NFAT5: variants seen among roughly 807,000 people sequenced by gnomAD.
NFAT5 encodes the protein nuclear factor of activated T cells 5, also known as nuclear factor of activated T-cells 5.
NFAT5 carries 31 observed loss-of-function variants against 166.5 expected under a neutral mutation model. That is an observed-to-expected ratio of 0.19 (90% CI 0.14 to 0.25). The LOEUF (loss-of-function observed/expected upper bound fraction) is 0.25, where lower values mean the gene tolerates loss of function less well. Ranked by LOEUF, NFAT5 falls within the 10% of genes least tolerant of loss-of-function variation. The probability of loss-of-function intolerance (pLI) is 1.00; values close to 1 mark genes in which losing one functional copy is unlikely to be tolerated. For synonymous variants in NFAT5, 612 were observed against 639.7 expected (o/e 0.96, Z 0.65); for missense variants, 1,449 against 1,821.8 (o/e 0.80, Z 3.72).
intron 2 of NFAT5, among the ~76,000 whole-genome samples, chr16:69,596,717 TAAA>T (rs1177895504): frequency 4.0e-5 from 5 of 125,132 alleles, no homozygotes; most frequent in Admixed American, 1.6e-4. Context: ...GACTCTATCT[TAAA>T]AAAAAAAAAA....
intron 2 of NFAT5, among the ~76,000 whole-genome samples, chr16:69,582,946 T>G (rs1274293407): frequency 1.3e-5 from 2 of 151,852 alleles, no homozygotes; most frequent in African/African-American, 4.8e-5. Flanking sequence ...ATCTGTAGGC[T>G]AATCTGAGGA....
chr16:69,648,458 T>A (rs2035540250), intron 4 of NFAT5: 1 of 984,732 alleles, frequency 1.0e-6, no homozygotes, highest in Non-Finnish European at 1.2e-6. Context: ...ATATTTTTTT[T>A]AAATCACTCA....
chr16:69,578,637 C>T (rs2142921130), intron 2 of NFAT5, among the ~76,000 whole-genome samples: 1 of 152,154 alleles, frequency 6.6e-6, no homozygotes, highest in South Asian at 2.1e-4. Flanking sequence ...AAATAGCTAT[C>T]CTTTACAATG....
Position 69,702,477 on chromosome 16 carries a change from T to C in NFAT5, c.*6126T>C, listed in dbSNP as rs1158281962. On this transcript the variant is annotated 3_prime_UTR_variant, in exon 15 of 15. Coordinates refer to ENST00000349945, the MANE Select transcript of NFAT5 (RefSeq NM_138713.4). ...GTCTATATATTTTGTGCCATGTATA[T>C]AAGAACATTACAATATATCTTTTTC... The C allele has an allele frequency of 1.3e-5, 2 of 152,250 alleles. No individual in the cohort carries two copies. Among genetic ancestry groups the C allele is most frequent in the African/African-American group, 4.8e-5 (2 of 41,464 alleles). The allele number at this position is 152,250 out of a possible 1,614,324, so 9.4% of individuals were successfully genotyped here.
At chr16:69,681,544 G>A (rs2037058366) in intron 10 of NFAT5, among the ~76,000 whole-genome samples, 2 of 152,182 alleles carry the variant, frequency 1.3e-5, no homozygotes, top group South Asian at 4.1e-4. Context: ...TCCTATACTT[G>A]GAAGCCTTTG....
intron 1 of NFAT5, among the ~76,000 whole-genome samples, chr16:69,567,076 C>G (rs766459828): frequency 5.9e-5 from 9 of 152,060 alleles, no homozygotes; most frequent in Non-Finnish European, 1.3e-4. Flanking sequence ...CTCCCTTCTC[C>G]TTTACAAAGA....
intron 9 of NFAT5, among the ~76,000 whole-genome samples, chr16:69,671,653 A>G (rs2078953440): frequency 6.6e-6 from 1 of 152,140 alleles, no homozygotes; most frequent in Non-Finnish European, 1.5e-5. Context: ...ACAGGTGTGA[A>G]CCACTGTGCC....
chr16:69,642,609 A>G (rs2035260201), intron 3 of NFAT5, among the ~76,000 whole-genome samples: 1 of 151,990 alleles, frequency 6.6e-6, no homozygotes, highest in Non-Finnish European at 1.5e-5. Flanking sequence ...ACACAAGGTC[A>G]GGAGTTCAAG....
chr16:69,579,538 A>G (rs916855602), intron 2 of NFAT5, among the ~76,000 whole-genome samples: 10 of 152,212 alleles, frequency 6.6e-5, no homozygotes, highest in African/African-American at 2.2e-4. Flanking sequence ...TATTACAGTA[A>G]ATACAAACAA....
intron 9 of NFAT5, among the ~76,000 whole-genome samples, chr16:69,676,427 G>A (rs2036836070): frequency 6.6e-6 from 1 of 152,176 alleles, no homozygotes; most frequent in Non-Finnish European, 1.5e-5. Context: ...ATGTTGTTAG[G>A]AGTAGCGAAC....
chr16:69,687,308 G>T (rs1006128735), intron 11 of NFAT5, among the ~76,000 whole-genome samples: 2 of 152,086 alleles, frequency 1.3e-5, no homozygotes, highest in African/African-American at 4.8e-5. Context: ...GGGCGTGGTG[G>T]TGTGTGCTTG....
chr16:69,655,939 C>A (rs1182392323), intron 6 of NFAT5, 140 bp downstream of exon 6: 2 of 640,736 alleles, frequency 3.1e-6, no homozygotes, highest in East Asian at 3.1e-5. Context: ...GACATTACTT[C>A]AGAATGGTAA....
chr16:69,573,869 C>CTTTTTT, intron 2 of NFAT5, among the ~76,000 whole-genome samples: 1 of 111,742 alleles, frequency 8.9e-6, no homozygotes, highest in Non-Finnish European at 1.8e-5. Flanking sequence ...AAAACAGCCA[C>CTTTTTT]TTTTTTTTTT....
At chr16:69,604,752 T>C (rs2033316538) in intron 2 of NFAT5, among the ~76,000 whole-genome samples, 1 of 152,198 alleles carries the variant, frequency 6.6e-6, no homozygotes, top group African/African-American at 2.4e-5. Flanking sequence ...GAGCCCAACT[T>C]ATGGCATCCA....
Position 69,659,865 on chromosome 16 carries a change from G to A in NFAT5, c.1335G>A (p.Leu445=). The change falls in exon 7 of 15, where the codon TTG becomes TTA. Residue 445 remains leucine, a synonymous_variant. Coordinates refer to ENST00000349945, the MANE Select transcript of NFAT5 (RefSeq NM_138713.4). The stretch of plus-strand genomic sequence containing the variant: ...TCATGAGGAAAGATGGCTCCACTTT[G>A]ACACTGCAAACACCCTCTTCTCCAA... ...VNIMRKDGST[L]TLQTPSSPIL... is the part of the protein sequence containing the mutation. 1 of 1,613,940 alleles carries A rather than the reference G, an allele frequency of 6.2e-7. No homozygotes were observed. The highest frequency in any genetic ancestry group is 8.5e-7 in the Non-Finnish European group (1 of 1,179,904).
At chr16:69,646,288 C>T (rs1032134783) in intron 3 of NFAT5, among the ~76,000 whole-genome samples, 1 of 152,176 alleles carries the variant, frequency 6.6e-6, no homozygotes, top group African/African-American at 2.4e-5. Flanking sequence ...CTTCCAGCTT[C>T]TGGAGACCCA....
intron 3 of NFAT5, chr16:69,646,629 A>G (rs577571015): frequency 3.0e-6 from 2 of 668,866 alleles, no homozygotes; most frequent in Non-Finnish European, 4.1e-6. Flanking sequence ...CCACTTTTCA[A>G]ATTCTATAAT....
At chr16:69,590,192 T>A (rs9940548) in intron 2 of NFAT5, among the ~76,000 whole-genome samples, 55,663 of 151,904 alleles carry the variant, frequency 0.37, 11,190 homozygotes, top group African/African-American at 0.53. Context: ...AAAAAATAAA[T>A]AAAGCTCTGC....
chr16:69,621,595 A>G (rs1396142214), intron 2 of NFAT5, among the ~76,000 whole-genome samples: 2 of 152,192 alleles, frequency 1.3e-5, no homozygotes, highest in Non-Finnish European at 2.9e-5. Context: ...CTGATTTAAA[A>G]GATAACATAA....
Sources: allele counts gnomAD v4.1 joint callset (sites outside exome capture counted in the v4.1 genomes callset), GRCh38; gene constraint gnomAD v4.1.1; transcripts MANE v1.5; gene names NCBI Gene and HGNC (gene_info 2026-07-23, HGNC 2026-07-21).